RNF32: variants seen among roughly 807,000 people sequenced by gnomAD.
RNF32 encodes the protein ring finger protein 32.
RNF32 carries 36 observed loss-of-function variants against 41.0 expected under a neutral mutation model. The ratio of observed to expected loss-of-function variants is 0.88; its 90% CI spans 0.67 to 1.16. RNF32 has a LOEUF of 1.16. Among genes scored for constraint, RNF32 ranks in the 50% most tolerant of loss-of-function variants. The pLI is 0.00. For synonymous variants in RNF32, 154 were observed against 160.9 expected (o/e 0.96, Z 0.32); for missense variants, 413 against 436.7 (o/e 0.95, Z 0.48).
At chr7:156,657,808 C>T in intron 5 of RNF32, 1 of 602,574 alleles carries the variant, frequency 1.7e-6, no homozygotes, top group South Asian at 2.0e-5. Flanking sequence ...GTCAGTAATG[C>T]ATGTCAAAGT....
upstream of RNF32, chr7:156,640,567 CG>C (rs1205830195): frequency 7.5e-6 from 3 of 397,456 alleles, no homozygotes; most frequent in Admixed American, 6.1e-5. Flanking sequence ...GTGCGCGGGG[CG>C]GGGGCCGGCG....
intron 1 of RNF32, 49 bp from the exon 2 acceptor site, chr7:156,643,752 T>C: frequency 1.2e-6 from 1 of 857,762 alleles, no homozygotes; most frequent in South Asian, 1.5e-5. Flanking sequence ...AACTTCATGG[T>C]TTTTCTGTGC....
chr7:156,659,773 T>G, intron 7 of RNF32: 6 of 659,694 alleles, frequency 9.1e-6, no homozygotes, highest in Non-Finnish European at 1.1e-5. Context: ...ACAATGTGCC[T>G]TGTGTTATCT....
chr7:156,659,553 A>G lies in RNF32; in HGVS notation c.684+983A>G, dbSNP rs74409553. 4.2e-3 allele frequency: 4,118 copies of G among 983,766 alleles called. 132 individuals are homozygous for G. The African/African-American group carries it at 0.068, about 16-fold the overall frequency. 60.9% of individuals were successfully genotyped at this position (983,766 alleles called of 1,614,324 possible). Reference sequence around the variant, plus strand: ...ATATGTCATAGTAGGTTGTCTCTTAAATCAGAAGTGATTTTTTGTCACCTC... The same window carrying G: ...ATATGTCATAGTAGGTTGTCTCTTAGATCAGAAGTGATTTTTTGTCACCTC... On this transcript the variant is annotated intron_variant, in intron 7 of 8. Transcript: ENST00000317955.
intron 7 of RNF32, among the ~76,000 whole-genome samples, chr7:156,661,901 A>G (rs1800720368): frequency 6.6e-6 from 1 of 152,144 alleles, no homozygotes; most frequent in African/African-American, 2.4e-5. Context: ...TCAAGTTTCA[A>G]GTGTGGGGGT....
chr7:156,673,239 G>C (rs1044516017), intron 7 of RNF32, among the ~76,000 whole-genome samples: 1 of 152,184 alleles, frequency 6.6e-6, no homozygotes, highest in African/African-American at 2.4e-5. Flanking sequence ...TTTGAAGGAA[G>C]AAAAGATCTT....
intron 7 of RNF32, chr7:156,659,923 A>G: frequency 1.0e-6 from 1 of 985,480 alleles, no homozygotes; most frequent in Non-Finnish European, 1.2e-6. Flanking sequence ...GGGAGACCTG[A>G]TCAAACAAGT....
chr7:156,643,995 A>G, intron 2 of RNF32, 103 bp downstream of exon 2: 1 of 1,019,782 alleles, frequency 9.8e-7, no homozygotes, highest in Non-Finnish European at 1.5e-6. Flanking sequence ...CCCTGCTTGA[A>G]CTAGGAATTG....
chr7:156,654,418 C>G, intron 3 of RNF32, 158 bp from the exon 4 acceptor site: 1 of 590,336 alleles, frequency 1.7e-6, no homozygotes, highest in Non-Finnish European at 2.9e-6. Flanking sequence ...GGAACACATT[C>G]CCTGTGGATA....
At chr7:156,671,100 C>G (rs1027295996) in intron 7 of RNF32, among the ~76,000 whole-genome samples, 1 of 152,094 alleles carries the variant, frequency 6.6e-6, no homozygotes, top group Admixed American at 6.5e-5. Context: ...AGGGCAATAG[C>G]TAAAAGAATA....
At position 156,657,545 on chromosome 7, in the gene RNF32, T is replaced by C; in HGVS notation, c.422T>C (p.Leu141Pro). 1 of 1,614,228 alleles carries C rather than the reference T, an allele frequency of 6.2e-7. No individual in the cohort carries two copies. Among genetic ancestry groups the C allele is most frequent in the Non-Finnish European group, 8.5e-7 (1 of 1,180,014 alleles). The change falls in exon 5 of 9, where the codon CTG becomes CCG. Residue 141 changes from leucine (L) to proline (P), a missense_variant. By Grantham distance (98) the Leu-to-Pro change is moderately conservative. Transcript: ENST00000317955. ...GTTCTGTTTCCTCATGAACAGGTGCTGCTTTCATGCTCCCATGTGTTCCAC... is the reference window on the plus strand; with the variant it reads ...GTTCTGTTTCCTCATGAACAGGTGCCGCTTTCATGCTCCCATGTGTTCCAC... ...KEEFELRPQV[L>P]LSCSHVFHKA...
intron 4 of RNF32, among the ~76,000 whole-genome samples, chr7:156,656,785 A>C (rs1475377559): frequency 6.6e-6 from 1 of 152,214 alleles, no homozygotes; most frequent in Non-Finnish European, 1.5e-5. Flanking sequence ...GCTCAGTCTC[A>C]CAAGTTTCCC....
intron 5 of RNF32, 192 bp downstream of exon 5, chr7:156,657,765 A>G (rs982345107): frequency 7.5e-5 from 47 of 629,882 alleles, no homozygotes; most frequent in Non-Finnish European, 1.1e-5. Flanking sequence ...TTTTGTGACA[A>G]AAGAACCACA....
chr7:156,653,729 T>C (rs999575855), intron 3 of RNF32, among the ~76,000 whole-genome samples: 2 of 152,240 alleles, frequency 1.3e-5, no homozygotes, highest in Admixed American at 6.5e-5. Context: ...CACCGCACTA[T>C]CAGCTCGATG....
intron 3 of RNF32, among the ~76,000 whole-genome samples, chr7:156,650,725 T>G (rs1449810025): frequency 6.6e-6 from 1 of 152,210 alleles, no homozygotes. Context: ...AGGGTGGTGC[T>G]GGGGGCCCTG....
chr7:156,651,621 A>C (rs564169053), intron 3 of RNF32, among the ~76,000 whole-genome samples: 1 of 152,336 alleles, frequency 6.6e-6, no homozygotes, highest in East Asian at 1.9e-4. Context: ...TATTGTTTTC[A>C]TAACTTGTGG....
intron 7 of RNF32, among the ~76,000 whole-genome samples, chr7:156,673,312 A>G (rs1802998049): frequency 6.6e-6 from 1 of 152,268 alleles, no homozygotes; most frequent in Non-Finnish European, 1.5e-5. Context: ...AACCTGAATT[A>G]CAAAGCATCA....
Position 156,675,744 on chromosome 7 carries a change from GA to G in RNF32, c.735del (p.Glu246SerfsTer12). On this transcript the variant is annotated frameshift_variant, in exon 8 of 9. Transcript: ENST00000317955. LOFTEE classifies it high-confidence loss of function. ...CCTGTGCTCATACAACACCAACATT[GA>G]AGAGCTCTTTGCAGAAATCGATCAG... is the stretch of plus-strand genomic sequence containing the variant. Reference protein sequence around the residue: ...RILCSYNTNIEELFAEIDQCL... With the variant: ...RILCSYNTNIXELFAEIDQCL... The G allele has an allele frequency of 6.2e-7, 1 of 1,613,708 alleles. No homozygotes were observed. The highest frequency in any genetic ancestry group is 2.2e-5 in the East Asian group (1 of 44,858).
At chr7:156,647,163 A>T (rs6973359) in intron 3 of RNF32, among the ~76,000 whole-genome samples, 84,497 of 151,234 alleles carry the variant, frequency 0.56, 26,613 homozygotes, top group African/African-American at 0.86. Context: ...GTTTTTTTTT[A>T]ATTTTTTGTT....
Sources: gnomAD v4.1 joint callset for allele counts (sites outside exome capture counted in the v4.1 genomes callset) on GRCh38, gnomAD v4.1.1 for gene constraint, MANE v1.5 for transcripts, NCBI Gene and HGNC (gene_info 2026-07-23, HGNC 2026-07-21) for gene names.